The following DOP1B variants were observed in gnomAD, a reference collection of about 807,000 sequenced individuals.
DOP1B encodes the protein DOP1 leucine zipper like protein B, also known as protein DOP1B.
DOP1B carries 174 observed loss-of-function variants against 233.5 expected under a neutral mutation model. The ratio of observed to expected loss-of-function variants is 0.75; its 90% CI spans 0.66 to 0.85. The LOEUF (loss-of-function observed/expected upper bound fraction) is 0.85. Among genes scored for constraint, DOP1B ranks in the 40% least tolerant of loss-of-function variants. DOP1B has a pLI of 0.00. For missense variants in DOP1B, 2,652 were observed against 2,846.6 expected (o/e 0.93, Z 1.56); for synonymous variants, 1,190 against 1,185.6 (o/e 1.00, Z -0.08).
Position 36,280,210 on chromosome 21 carries a change from G to A in DOP1B, c.5970-75G>A. ...TTTTTAATATATCTTAAGAGGATAT[G>A]TTATTTTCTTAATGTTTTGAATCAA... On this transcript the variant is annotated intron_variant, in intron 30 of 36. Coordinates refer to ENST00000691173, the MANE Select transcript of DOP1B (RefSeq NM_001320714.2). The A allele has an allele frequency of 5.4e-6, 6 of 1,120,222 alleles. No individual in the cohort carries two copies. The South Asian group carries it at 8.0e-5, about 15-fold the overall frequency. The allele number at this position is 1,120,222 out of a possible 1,614,324, so 69.4% of individuals were successfully genotyped here.
In DOP1B at chr21:36,190,953, G is replaced by A. The variant is rs551040270; in HGVS notation, c.139-8117G>A. ...CAGTCTTGGCAGCCCTGGACCTGCC[G>A]GGAGAGGGATGACAGTGACATGTGG... On this transcript the variant is annotated intron_variant, in intron 2 of 36. Transcript: ENST00000691173. Among the ~76,000 whole-genome samples the A allele has an allele frequency of 3.3e-5, 5 of 152,300 alleles. No individual in the cohort carries two copies. The South Asian group carries it at 6.2e-4, about 19-fold the overall frequency.
rs764535421 is a variant in DOP1B, at chr21:36,288,137, T to C, written c.6284T>C (p.Met2095Thr). 3.1e-6 allele frequency: 5 copies of C among 1,613,568 alleles called. No homozygotes were observed. The highest frequency in any genetic ancestry group is 8.5e-7 in the Non-Finnish European group (1 of 1,179,906). Residue 2095 changes from methionine to threonine, a missense_variant, in exon 33 of 37, where the codon ATG (methionine) becomes ACG (threonine). Met to Thr is a moderately conservative substitution (Grantham distance 81, BLOSUM62 -1). This residue lies in a region of DOP1B where 2,617 missense variants were observed against 2,794.3 expected (regional missense o/e 0.94). Transcript: ENST00000691173. ...PQHLTSLWPI[M>T]VSELIQTFTQ... is the part of the protein sequence containing the mutation. The stretch of plus-strand genomic sequence containing the variant: ...CATTTGACTTCATTGTGGCCAATAA[T>C]GGTCTCTGAATTGGTGAGTACAAGT...
chr21:36,244,924 T>G (rs955092021), intron 18 of DOP1B, 124 bp from the exon 19 acceptor site: 3 of 983,830 alleles, frequency 3.0e-6, no homozygotes, highest in Non-Finnish European at 4.4e-6. Flanking sequence ...GGTGGTGGTG[T>G]TTCATGTGAG....
At chr21:36,229,105 C>T (rs759429007) in intron 13 of DOP1B, among the ~76,000 whole-genome samples, 3 of 152,128 alleles carry the variant, frequency 2.0e-5, no homozygotes, top group Non-Finnish European at 2.9e-5. Context: ...TTATAACTAG[C>T]CCTGCACTGT....
intron 13 of DOP1B, 27 bp from the exon 14 acceptor site, chr21:36,230,423 C>T: frequency 6.3e-7 from 1 of 1,580,336 alleles, no homozygotes; most frequent in Non-Finnish European, 8.6e-7. Context: ...AAGAGATGCA[C>T]AATTCACATC....
intron 32 of DOP1B, among the ~76,000 whole-genome samples, chr21:36,284,270 T>G (rs1338750135): frequency 1.6e-5 from 2 of 124,582 alleles, no homozygotes; most frequent in Non-Finnish European, 3.4e-5. Flanking sequence ...TCTTTCTTTT[T>G]TTTTTTTTTT....
intron 27 of DOP1B, among the ~76,000 whole-genome samples, chr21:36,272,545 G>A (rs1359946010): frequency 6.6e-6 from 1 of 151,686 alleles, no homozygotes; most frequent in African/African-American, 2.4e-5. Context: ...AGCTACTCAG[G>A]AGGCTGAGGC....
chr21:36,276,008 C>T (rs763934514), intron 27 of DOP1B, among the ~76,000 whole-genome samples: 40 of 152,014 alleles, frequency 2.6e-4, no homozygotes, highest in Non-Finnish European at 4.0e-4. Flanking sequence ...ATGCTGGAAA[C>T]GGAGATTTGA....
At chr21:36,198,795 G>A (rs983936198) in intron 2 of DOP1B, among the ~76,000 whole-genome samples, 1 of 152,224 alleles carries the variant, frequency 6.6e-6, no homozygotes, top group African/African-American at 2.4e-5. Flanking sequence ...TTCCTGAGAT[G>A]GAGAAGCACA....
chr21:36,190,730 A>G (rs2835310), intron 2 of DOP1B, among the ~76,000 whole-genome samples: 30,245 of 152,188 alleles, frequency 0.2, 2,965 homozygotes, highest in African/African-American at 0.22. Context: ...TATTTATTCT[A>G]TAGTTGCAGA....
At chr21:36,286,854 C>T (rs1278011103) in intron 32 of DOP1B, among the ~76,000 whole-genome samples, 2 of 151,930 alleles carry the variant, frequency 1.3e-5, no homozygotes, top group African/African-American at 4.8e-5. Context: ...ATCCCAACTA[C>T]TCTGGAGGCT....
chr21:36,183,355 T>C (rs1019622192), intron 2 of DOP1B, among the ~76,000 whole-genome samples: 2 of 152,184 alleles, frequency 1.3e-5, no homozygotes, highest in Non-Finnish European at 2.9e-5. Context: ...AGACCTTTGG[T>C]TTTGTGAGGC....
At chr21:36,176,865 C>G (rs775230496) in intron 2 of DOP1B, among the ~76,000 whole-genome samples, 1 of 152,058 alleles carries the variant, frequency 6.6e-6, no homozygotes, top group Non-Finnish European at 1.5e-5. Context: ...GTCACCCAGG[C>G]TGGAGTGCAG....
rs759200521 is a variant in DOP1B at position 36,260,271 on chromosome 21, GAAA to G, written c.5260-405_5260-403del. Among the ~76,000 whole-genome samples the G allele has an allele frequency of 7.5e-3, 868 of 115,846 alleles. 8 individuals carry two copies. The highest frequency in any genetic ancestry group is 0.034 in the African/African-American group (814 of 23,882). 76.0% of individuals were successfully genotyped at this position (115,846 alleles called of 152,430 possible). A position where few individuals can be genotyped will look rare whatever the true frequency, so the allele number is the denominator to read the frequency against. On this transcript the variant is annotated intron_variant, in intron 23 of 36. Coordinates refer to ENST00000691173, the MANE Select transcript of DOP1B (RefSeq NM_001320714.2). ...GGGAGGGAGGAAGGAAGGAAGGAAA[GAAA>G]GAAAGAAAGAAAGAAAGAAAGAAGA...
At chr21:36,260,263 G>GA (rs2067154530) in intron 23 of DOP1B, among the ~76,000 whole-genome samples, 4 of 85,500 alleles carry the variant, frequency 4.7e-5, no homozygotes, top group Non-Finnish European at 8.4e-5. Flanking sequence ...AGGAAGGAAG[G>GA]AAGGAAAGAA....
intron 23 of DOP1B, among the ~76,000 whole-genome samples, chr21:36,257,577 A>G (rs913389739): frequency 2.0e-5 from 3 of 151,980 alleles, no homozygotes; most frequent in Non-Finnish European, 4.4e-5. Flanking sequence ...GTAAAAACAT[A>G]GGTTGATACG....
Position 36,176,886 on chromosome 21 carries a change from T to C in DOP1B, c.138+12015T>C, listed in dbSNP as rs180901634. On this transcript the variant is annotated intron_variant, in intron 2 of 36. Transcript: ENST00000691173. ...CAGGCTGGAGTGCAGTGACCCAATC[T>C]TGGCTCACTACAACCTCCACCTCCC... Among the ~76,000 whole-genome samples the C allele has an allele frequency of 4.8e-3, 736 of 152,172 alleles. 4 individuals are homozygous for C. Among genetic ancestry groups the C allele is most frequent in the African/African-American group, 0.017 (704 of 41,530 alleles).
chr21:36,278,628 G>A (rs888989782), intron 30 of DOP1B, among the ~76,000 whole-genome samples: 4 of 152,152 alleles, frequency 2.6e-5, no homozygotes, highest in African/African-American at 9.7e-5. Flanking sequence ...AGCATTTTGG[G>A]AGGCTAAGGT....
chr21:36,206,872 C>T (rs2066431508), intron 4 of DOP1B, among the ~76,000 whole-genome samples: 1 of 152,198 alleles, frequency 6.6e-6, no homozygotes, highest in Admixed American at 6.5e-5. Flanking sequence ...TTAGCCATTA[C>T]TTATGTCTCT....
Sources: allele counts gnomAD v4.1 joint callset (sites outside exome capture counted in the v4.1 genomes callset), GRCh38; gene constraint gnomAD v4.1.1; regional missense constraint gnomAD v4.1.1; transcripts MANE v1.5; gene names NCBI Gene and HGNC (gene_info 2026-07-23, HGNC 2026-07-21).